The following CASD1 variants were observed in gnomAD, a reference collection of about 807,000 sequenced individuals.
The protein encoded by CASD1 is N-acetylneuraminate (7)9-O-acetyltransferase.
A neutral mutation model predicts 100.0 loss-of-function variants in CASD1; 41 were observed. The ratio of observed to expected loss-of-function variants is 0.41; its 90% confidence interval spans 0.32 to 0.53. The LOEUF (loss-of-function observed/expected upper bound fraction) is 0.53. Among genes scored for constraint, CASD1 ranks in the 20% least tolerant of loss-of-function variants. The pLI is 0.25. For missense variants in CASD1, 774 were observed against 948.7 expected, an observed-to-expected ratio of 0.82 and a Z score of 2.42; for synonymous variants, 321 against 315.6, an observed-to-expected ratio of 1.02 and a Z score of -0.18.
At chr7:94,575,155 A>G in the CASD1 span, among the ~76,000 whole-genome samples, 4 of 152,106 alleles carry the variant, frequency 2.6e-5, no homozygotes, top group Non-Finnish European at 4.4e-5. Flanking sequence ...TTAATTTAAG[A>G]TCTTCCCAAC....
the CASD1 span, among the ~76,000 whole-genome samples, chr7:94,580,129 C>G: frequency 6.6e-6 from 1 of 152,214 alleles, no homozygotes; most frequent in East Asian, 1.9e-4. Flanking sequence ...ACTGGTATAA[C>G]CACACCCATT....
At chr7:94,537,415 T>G (rs1271685052) in intron 8 of CASD1, 57 bp from the exon 9 acceptor site, 1 of 1,482,852 alleles carries the variant, frequency 6.7e-7, no homozygotes, top group Non-Finnish European at 9.1e-7. Context: ...AGGAGAAAAT[T>G]TAATGTGAAA....
At chr7:94,618,819 T>C in the CASD1 span, 2 of 1,614,084 alleles carry the variant, frequency 1.2e-6, no homozygotes, top group South Asian at 2.2e-5. Flanking sequence ...GCCGATGTGA[T>C]GTTTATGGCG....
the CASD1 span, among the ~76,000 whole-genome samples, chr7:94,578,597 C>T: frequency 6.6e-6 from 1 of 152,170 alleles, no homozygotes; most frequent in Non-Finnish European, 1.5e-5. Flanking sequence ...TTATATCTCA[C>T]AGGTCCTACT....
At chr7:94,593,988 G>C in the CASD1 span, among the ~76,000 whole-genome samples, 1 of 152,016 alleles carries the variant, frequency 6.6e-6, no homozygotes, top group South Asian at 2.1e-4. Flanking sequence ...CATACTCAGA[G>C]CCCCAGAATG....
At chr7:94,616,728 G>A in the CASD1 span, 1 of 152,118 alleles carries the variant, frequency 6.6e-6, no homozygotes, top group South Asian at 2.1e-4. Context: ...AAGAAAACAT[G>A]CAAAATCATT....
the CASD1 span, chr7:94,600,872 G>C: frequency 1.9e-6 from 3 of 1,582,776 alleles, no homozygotes; most frequent in African/African-American, 4.0e-5. Flanking sequence ...TATAAAAGAA[G>C]ACAATTACAC....
At chr7:94,529,441 G>A (rs1357730270) in intron 5 of CASD1, among the ~76,000 whole-genome samples, 1 of 152,052 alleles carries the variant, frequency 6.6e-6, no homozygotes, top group Non-Finnish European at 1.5e-5. Flanking sequence ...ACTCATTATG[G>A]TTGTTGAGAA....
At position 94,547,193 on chromosome 7, in the gene CASD1, A is replaced by C; in HGVS notation, c.1713+18A>C. 6.7e-7 allele frequency: 1 copy of C among 1,497,184 alleles called. No homozygotes were observed. Among genetic ancestry groups the C allele is most frequent in the Non-Finnish European group, 9.0e-7 (1 of 1,110,950 alleles). 92.7% of individuals were successfully genotyped at this position (1,497,184 alleles called of 1,614,324 possible). ...ATTCTCAGGTTTGTACAATCTTTTC[A>C]GTTTATATTTTTTCATATTTTATTT... On this transcript the variant is annotated intron_variant, in intron 13 of 17. Coordinates refer to ENST00000297273, the MANE Select transcript of CASD1 (RefSeq NM_022900.5).
downstream of CASD1, among the ~76,000 whole-genome samples, chr7:94,559,814 C>T (rs538110250): frequency 1.1e-4 from 17 of 152,128 alleles, no homozygotes; most frequent in South Asian, 3.5e-3. Flanking sequence ...CGTGAGCCAC[C>T]GTGCCCAGCC....
At chr7:94,606,694 A>G in the CASD1 span, among the ~76,000 whole-genome samples, 1 of 152,202 alleles carries the variant, frequency 6.6e-6, no homozygotes, top group Non-Finnish European at 1.5e-5. Flanking sequence ...AGTACACATG[A>G]AACATTTAGC....
At chr7:94,514,712 A>G (rs927682171) in intron 1 of CASD1, among the ~76,000 whole-genome samples, 2 of 152,176 alleles carry the variant, frequency 1.3e-5, no homozygotes, top group Non-Finnish European at 2.9e-5. Flanking sequence ...GAAGACAGCC[A>G]TTCATCCAGA....
chr7:94,603,485 T>C, the CASD1 span: 2 of 1,603,946 alleles, frequency 1.2e-6, no homozygotes, highest in Non-Finnish European at 1.7e-6. Context: ...GGTTATCCTT[T>C]AAGAAAATTG....
chr7:94,536,757 A>G (rs1204494741), intron 8 of CASD1, among the ~76,000 whole-genome samples: 2 of 152,196 alleles, frequency 1.3e-5, no homozygotes, highest in Non-Finnish European at 2.9e-5. Flanking sequence ...CTAAACTATG[A>G]AGTTTTTATA....
intron 16 of CASD1, 81 bp downstream of exon 16, chr7:94,552,508 T>G (rs1796000502): frequency 3.0e-6 from 3 of 992,162 alleles, no homozygotes; most frequent in Non-Finnish European, 4.6e-6. Flanking sequence ...GATTTGAGAT[T>G]GAACTCCAGA....
the CASD1 span, among the ~76,000 whole-genome samples, chr7:94,613,433 G>A: frequency 2.2e-4 from 33 of 152,214 alleles, no homozygotes; most frequent in East Asian, 5.8e-3. Flanking sequence ...AATTTCAAAT[G>A]TGTATAAACA....
At position 94,509,974 on chromosome 7, in the gene CASD1, G is replaced by C. The variant is rs1172654845; in HGVS notation, c.-111G>C. 1.6e-6 allele frequency: 2 copies of C among 1,232,584 alleles called. No individual in the cohort carries two copies. The highest frequency in any genetic ancestry group is 3.2e-5 in the African/African-American group (2 of 63,406). The allele number at this position is 1,232,584 out of a possible 1,614,324, so 76.4% of individuals were successfully genotyped here. On this transcript the variant is annotated 5_prime_UTR_variant, in exon 1 of 18. Transcript: ENST00000297273. ...GGCGGGAGGCGCAGGTGGCGGCCTG[G>C]GGAGCTGGCGGCCGCTCCTCGCCTG... is the stretch of plus-strand genomic sequence containing the variant.
At chr7:94,588,427 T>G in the CASD1 span, 1 of 1,256,386 alleles carries the variant, frequency 8.0e-7, no homozygotes, top group Non-Finnish European at 1.0e-6. Context: ...AGGAAAGGGG[T>G]TTCATTCAGT....
the CASD1 span, among the ~76,000 whole-genome samples, chr7:94,571,092 G>A: frequency 3.4e-5 from 5 of 148,492 alleles, no homozygotes; most frequent in Non-Finnish European, 5.9e-5. Context: ...CACCAAGGCT[G>A]GAAAGCAATA....
Sources: gnomAD v4.1 joint callset for allele counts (sites outside exome capture counted in the v4.1 genomes callset) on GRCh38, gnomAD v4.1.1 for gene constraint, MANE v1.5 for transcripts, NCBI Gene and HGNC (gene_info 2026-07-23, HGNC 2026-07-21) for gene names.